GASK1A: variants seen among roughly 807,000 people sequenced by gnomAD.
GASK1A encodes Golgi-associated kinase 1A.
In GASK1A, 40 loss-of-function variants were observed where a neutral mutation model predicts 41.2. The observed-to-expected ratio is 0.97, with a 90% CI of 0.75 to 1.27. GASK1A has a LOEUF of 1.27. Ranked by LOEUF, GASK1A falls within the 50% of genes most tolerant of loss-of-function variation. The pLI is 0.00. For synonymous variants in GASK1A, 316 were observed against 307.1 expected (o/e 1.03, Z -0.30); for missense variants, 678 against 745.1 (o/e 0.91, Z 1.05).
intron 2 of GASK1A, among the ~76,000 whole-genome samples, chr3:43,048,510 G>C (rs888621344): frequency 3.9e-5 from 6 of 152,170 alleles, no homozygotes; most frequent in African/African-American, 1.4e-4. Flanking sequence ...AGCAGGGAAG[G>C]AAGAAAAGCT....
intron 2 of GASK1A, among the ~76,000 whole-genome samples, chr3:43,035,628 C>T (rs142820923): frequency 1.3e-5 from 2 of 152,350 alleles, no homozygotes; most frequent in Non-Finnish European, 2.9e-5. Context: ...GAATTCTGGT[C>T]TGTCCTCTGG....
At chr3:43,053,278 A>G (rs184042722) in intron 2 of GASK1A, among the ~76,000 whole-genome samples, 69 of 152,360 alleles carry the variant, frequency 4.5e-4, no homozygotes, top group Non-Finnish European at 8.8e-4. Context: ...AGCTGTGGGC[A>G]CTGGGTGAAA....
At chr3:43,052,145 G>A (rs2089694352) in intron 2 of GASK1A, among the ~76,000 whole-genome samples, 1 of 152,162 alleles carries the variant, frequency 6.6e-6, no homozygotes, top group Admixed American at 6.5e-5. Context: ...AACCTGTGGG[G>A]TCTGGAGCCC....
chr3:43,005,118 A>T lies in GASK1A; in HGVS notation c.3+25473A>T, dbSNP rs370920181. Reference sequence around the variant, plus strand: ...GCCGCCTTCTTGCTTCCCTCTTAAAAGGATACTTGTGATTACATCGGGCCC... The same window carrying T: ...GCCGCCTTCTTGCTTCCCTCTTAAATGGATACTTGTGATTACATCGGGCCC... On this transcript the variant is annotated intron_variant, in intron 1 of 4. Coordinates refer to ENST00000430121, the MANE Select transcript of GASK1A (RefSeq NM_001129908.3). Among the ~76,000 whole-genome samples the T allele has an allele frequency of 1.1e-3, 168 of 152,276 alleles. 1 individual carries two copies. In the South Asian group the frequency reaches 0.013, roughly 12 times the overall value.
chr3:42,983,720 G>T (rs1014994358), intron 1 of GASK1A, among the ~76,000 whole-genome samples: 2 of 152,166 alleles, frequency 1.3e-5, no homozygotes, highest in Non-Finnish European at 2.9e-5. Context: ...GGAGCCTGTG[G>T]GAAATTTGAT....
In GASK1A at chr3:43,025,357, T is replaced by C. The variant is rs765170259; in HGVS notation, c.4-6910T>C. On this transcript the variant is annotated intron_variant, in intron 1 of 4. Coordinates refer to ENST00000430121, the MANE Select transcript of GASK1A (RefSeq NM_001129908.3). Reference sequence around the variant, plus strand: ...GTCAGGCCCAGATTTCTGGCTTGGGTATCTGGGTGGACAGTGCTACCTTTT... The same window carrying C: ...GTCAGGCCCAGATTTCTGGCTTGGGCATCTGGGTGGACAGTGCTACCTTTT... Among the ~76,000 whole-genome samples the C allele has an allele frequency of 4.6e-5, 7 of 152,170 alleles. No homozygotes were observed. In the East Asian group the frequency reaches 1.2e-3, roughly 25 times the overall value.
intron 1 of GASK1A, among the ~76,000 whole-genome samples, chr3:42,982,411 A>G (rs1352270309): frequency 6.6e-6 from 1 of 152,208 alleles, no homozygotes; most frequent in African/African-American, 2.4e-5. Context: ...TCATTTTGGC[A>G]TATTTCCTAT....
In GASK1A at chr3:43,012,827, C is replaced by T. The variant is rs79479492; in HGVS notation, c.4-19440C>T. Among the ~76,000 whole-genome samples the T allele has an allele frequency of 5.8e-3, 872 of 149,280 alleles. 19 individuals are homozygous for T. Among genetic ancestry groups the T allele is most frequent in the African/African-American group, 0.02 (817 of 40,230 alleles). The stretch of plus-strand genomic sequence containing the variant: ...GGCCACAGGAAGGAGCTGTGTGTAG[C>T]CACAGGAAGGGGCAGTGTGAAGTCA... On this transcript the variant is annotated intron_variant, in intron 1 of 4. Transcript: ENST00000430121.
At chr3:43,055,317 G>T in intron 3 of GASK1A, 115 bp from the exon 4 acceptor site, 1 of 679,690 alleles carries the variant, frequency 1.5e-6, no homozygotes. Context: ...TGTTAGGATG[G>T]ACTGTGGGAC....
At chr3:43,025,825 A>G (rs1274845349) in intron 1 of GASK1A, among the ~76,000 whole-genome samples, 1 of 152,198 alleles carries the variant, frequency 6.6e-6, no homozygotes, top group East Asian at 1.9e-4. Context: ...GCTGGTGTAA[A>G]CACGGCAGCA....
chr3:43,034,038 A>G (rs1055106881), intron 2 of GASK1A, among the ~76,000 whole-genome samples: 5 of 152,244 alleles, frequency 3.3e-5, no homozygotes, highest in African/African-American at 1.2e-4. Context: ...TGTTTACACC[A>G]TGGAAAGCAG....
At chr3:43,032,225 A>G (rs933210116) in intron 1 of GASK1A, 42 bp from the exon 2 acceptor site, 17 of 1,437,670 alleles carry the variant, frequency 1.2e-5, no homozygotes, top group Non-Finnish European at 1.6e-5. Context: ...GAGCTGATGT[A>G]TTTCCCAGAT....
chr3:43,014,095 C>A (rs1034222235), intron 1 of GASK1A, among the ~76,000 whole-genome samples: 11 of 150,350 alleles, frequency 7.3e-5, no homozygotes, highest in African/African-American at 2.7e-4. Flanking sequence ...CAGGAAGGGG[C>A]AGTAGGAAGT....
At chr3:43,038,500 A>G (rs896087029) in intron 2 of GASK1A, among the ~76,000 whole-genome samples, 3 of 151,892 alleles carry the variant, frequency 2.0e-5, no homozygotes, top group African/African-American at 2.4e-5. Flanking sequence ...TCAACATTAC[A>G]CTGGTGTATT....
At chr3:43,005,151 G>A (rs897061519) in intron 1 of GASK1A, among the ~76,000 whole-genome samples, 4 of 152,150 alleles carry the variant, frequency 2.6e-5, no homozygotes, top group African/African-American at 9.7e-5. Flanking sequence ...CCCATCAGAT[G>A]ATCTAGGATA....
intron 1 of GASK1A, among the ~76,000 whole-genome samples, chr3:43,022,035 T>C (rs1028144922): frequency 2.6e-5 from 4 of 152,294 alleles, no homozygotes; most frequent in Non-Finnish European, 4.4e-5. Context: ...AGACAGGGTG[T>C]GTAATTTCGA....
At chr3:43,049,925 C>CT (rs1428171949) in intron 2 of GASK1A, among the ~76,000 whole-genome samples, 1 of 149,994 alleles carries the variant, frequency 6.7e-6, no homozygotes, top group Non-Finnish European at 1.5e-5. Flanking sequence ...TAAATCTCTC[C>CT]CCCCCCACTT....
intron 1 of GASK1A, among the ~76,000 whole-genome samples, chr3:43,026,473 G>A (rs918603328): frequency 6.6e-6 from 1 of 152,156 alleles, no homozygotes; most frequent in Non-Finnish European, 1.5e-5. Context: ...AATATTACCT[G>A]GAGACAGTGG....
At chr3:43,025,638 A>T (rs549372177) in intron 1 of GASK1A, among the ~76,000 whole-genome samples, 1 of 152,318 alleles carries the variant, frequency 6.6e-6, no homozygotes, top group African/African-American at 2.4e-5. Context: ...AAAGCTGGTG[A>T]ATAAATCTTG....
Sources: gnomAD v4.1 joint callset for allele counts (sites outside exome capture counted in the v4.1 genomes callset) on GRCh38, gnomAD v4.1.1 for gene constraint, MANE v1.5 for transcripts, NCBI Gene and HGNC (gene_info 2026-07-23, HGNC 2026-07-21) for gene names.